Variants in TBC1D19 observed in about 807,000 individuals in gnomAD.
TBC1D19 encodes the protein TBC1 domain family, member 19.
Under a neutral mutation model 89.0 loss-of-function variants are expected in TBC1D19, and 60 were observed. The ratio of observed to expected loss-of-function variants is 0.67; its 90% CI spans 0.55 to 0.84. TBC1D19 has a LOEUF of 0.84. Among genes scored for constraint, TBC1D19 ranks in the 40% least tolerant of loss-of-function variants. TBC1D19 has a pLI of 0.00. For missense variants in TBC1D19, 500 were observed against 610.8 expected, an observed-to-expected ratio of 0.82 and a Z score of 1.91; for synonymous variants, 189 against 199.7, an observed-to-expected ratio of 0.95 and a Z score of 0.45.
chr4:26,793,774 A>G, the TBC1D19 span, among the ~76,000 whole-genome samples: 1 of 151,474 alleles, frequency 6.6e-6, no homozygotes, highest in Non-Finnish European at 1.5e-5. Flanking sequence ...CTCCTGTTCT[A>G]TGTTGACTTT....
intron 1 of TBC1D19, among the ~76,000 whole-genome samples, chr4:26,594,864 C>T (rs186842222): frequency 1.6e-4 from 25 of 152,292 alleles, no homozygotes; most frequent in East Asian, 1.5e-3. Context: ...AGTGAGACTC[C>T]GTCTCAAAAA....
intron 11 of TBC1D19, among the ~76,000 whole-genome samples, chr4:26,676,660 A>G (rs1479615063): frequency 2.0e-5 from 3 of 151,378 alleles, no homozygotes; most frequent in Non-Finnish European, 4.4e-5. Context: ...CAGAGCTTGC[A>G]GTGAGCAGAG....
At chr4:26,858,498 GC>G in the TBC1D19 span, 1 of 152,334 alleles carries the variant, frequency 6.6e-6, no homozygotes, top group Non-Finnish European at 1.5e-5. Flanking sequence ...AGAAAGGTAA[GC>G]GATTGCCTCA....
At chr4:26,767,357 T>C in the TBC1D19 span, among the ~76,000 whole-genome samples, 3 of 152,294 alleles carry the variant, frequency 2.0e-5, no homozygotes, top group South Asian at 2.1e-4. Context: ...CTTACAGAGA[T>C]AGTCTTCCTC....
At chr4:26,613,549 A>T (rs76378590) in intron 2 of TBC1D19, among the ~76,000 whole-genome samples, 1 of 152,166 alleles carries the variant, frequency 6.6e-6, no homozygotes, top group Non-Finnish European at 1.5e-5. Context: ...CAGCCTTCCA[A>T]TTACTCATTC....
intron 12 of TBC1D19, among the ~76,000 whole-genome samples, chr4:26,687,423 G>A (rs1226361784): frequency 2.0e-5 from 3 of 152,082 alleles, no homozygotes; most frequent in African/African-American, 7.2e-5. Flanking sequence ...GGAATTTTAT[G>A]TTCTTTACAC....
At chr4:26,655,785 C>A (rs571220497) in intron 7 of TBC1D19, among the ~76,000 whole-genome samples, 1 of 152,328 alleles carries the variant, frequency 6.6e-6, no homozygotes, top group African/African-American at 2.4e-5. Context: ...TTTTCCTTGG[C>A]TAGGAAAGGG....
the TBC1D19 span, among the ~76,000 whole-genome samples, chr4:26,826,462 A>G: frequency 3.5e-4 from 49 of 139,680 alleles, no homozygotes; most frequent in African/African-American, 1.5e-3. Flanking sequence ...TAGAGGGGGG[A>G]AAAATAAGTG....
intron 1 of TBC1D19, among the ~76,000 whole-genome samples, chr4:26,597,724 G>GATCTATATGGTTTTATAACTCAC (rs894578678): frequency 6.6e-6 from 1 of 151,842 alleles, no homozygotes; most frequent in African/African-American, 2.4e-5. Flanking sequence ...TGAATGTACT[G>GATCTATATGGTTTTATAACTCAC]ATCTATATGG....
At chr4:26,699,377 G>A (rs1426871837) in intron 13 of TBC1D19, among the ~76,000 whole-genome samples, 1 of 152,198 alleles carries the variant, frequency 6.6e-6, no homozygotes, top group Non-Finnish European at 1.5e-5. Flanking sequence ...GTGCTGGAGA[G>A]GATGTGGAGA....
chr4:26,840,380 C>T, the TBC1D19 span, among the ~76,000 whole-genome samples: 3 of 152,174 alleles, frequency 2.0e-5, no homozygotes, highest in East Asian at 1.9e-4. Flanking sequence ...CTGCACCCAG[C>T]CTCTAATTTC....
the TBC1D19 span, among the ~76,000 whole-genome samples, chr4:26,837,375 A>G: frequency 6.6e-6 from 1 of 152,194 alleles, no homozygotes; most frequent in Non-Finnish European, 1.5e-5. Flanking sequence ...AATATGTAGT[A>G]TTTAGAGGCA....
rs777481078 is a variant in TBC1D19, at chr4:26,659,744, A to G, written c.591+37A>G. 4.4e-6 allele frequency: 6 copies of G among 1,363,436 alleles called. No individual in the cohort carries two copies. In the South Asian group the frequency reaches 8.3e-5, roughly 19 times the overall value. The allele number at this position is 1,363,436 out of a possible 1,614,324, so 84.5% of individuals were successfully genotyped here. A position where few individuals can be genotyped will look rare whatever the true frequency, so the allele number is the denominator to read the frequency against. ...AACTTAAAAATAAACATCATTTAGA[A>G]GATAACCATTAGAAAAATGTTTTAA... On this transcript the variant is annotated intron_variant, in intron 8 of 20. Coordinates refer to ENST00000264866, the MANE Select transcript of TBC1D19 (RefSeq NM_018317.4).
the TBC1D19 span, among the ~76,000 whole-genome samples, chr4:26,813,877 C>T: frequency 5.9e-5 from 9 of 152,110 alleles, no homozygotes; most frequent in Non-Finnish European, 1.0e-4. Flanking sequence ...GCCGGGAGAA[C>T]GGTAAGCTGG....
intron 3 of TBC1D19, among the ~76,000 whole-genome samples, chr4:26,617,143 C>T (rs1039658070): frequency 2.0e-5 from 3 of 152,140 alleles, no homozygotes; most frequent in Non-Finnish European, 2.9e-5. Context: ...ATCAAGGTGC[C>T]AGCATCTGGT....
At chr4:26,593,932 C>T (rs1397918536) in intron 1 of TBC1D19, among the ~76,000 whole-genome samples, 4 of 152,112 alleles carry the variant, frequency 2.6e-5, no homozygotes, top group Admixed American at 6.5e-5. Context: ...GTCAGTGTGG[C>T]GATTCCTCAG....
chr4:26,795,904 C>A, the TBC1D19 span, among the ~76,000 whole-genome samples: 1 of 152,198 alleles, frequency 6.6e-6, no homozygotes, highest in East Asian at 1.9e-4. Flanking sequence ...TTCCATCTTA[C>A]CCCCCACCAT....
intron 15 of TBC1D19, among the ~76,000 whole-genome samples, chr4:26,727,256 G>T (rs1560499725): frequency 6.6e-6 from 1 of 152,130 alleles, no homozygotes; most frequent in Non-Finnish European, 1.5e-5. Context: ...TAAGATCAAA[G>T]AAATGTTCTA....
chr4:26,672,668 C>G (rs1012089636), intron 10 of TBC1D19, among the ~76,000 whole-genome samples: 4 of 151,880 alleles, frequency 2.6e-5, no homozygotes, highest in Non-Finnish European at 5.9e-5. Context: ...TTTTCCCTAT[C>G]TTTTGAAGAT....
Sources: gnomAD v4.1 joint callset for allele counts (sites outside exome capture counted in the v4.1 genomes callset) on GRCh38, gnomAD v4.1.1 for gene constraint, MANE v1.5 for transcripts, NCBI Gene and HGNC (gene_info 2026-07-23, HGNC 2026-07-21) for gene names.